Variants in ADRM1 observed in about 807,000 individuals in gnomAD.
ADRM1 encodes ADRM1 26S proteasome ubiquitin receptor.
ADRM1 carries 2 observed loss-of-function variants against 40.1 expected under a neutral mutation model. That is an observed-to-expected ratio of 0.05 (90% CI 0.02 to 0.16). The LOEUF (loss-of-function observed/expected upper bound fraction) is 0.16. Among genes scored for constraint, ADRM1 ranks in the 10% least tolerant of loss-of-function variants. The probability of loss-of-function intolerance (pLI) is 1.00; values close to 1 mark genes in which losing one functional copy is unlikely to be tolerated. For synonymous variants in ADRM1, 287 were observed against 240.4 expected, an observed-to-expected ratio of 1.19 and a Z score of -1.79; for missense variants, 467 against 552.5, an observed-to-expected ratio of 0.85 and a Z score of 1.55.
At position 62,308,100 on chromosome 20, in the gene ADRM1, C is replaced by T. The variant is rs780497338; in HGVS notation, c.936C>T (p.Pro312=). 2 of 1,611,514 alleles carry T rather than the reference C, an allele frequency of 1.2e-6. No individual in the cohort carries two copies. Among genetic ancestry groups the T allele is most frequent in the Middle Eastern group, 3.3e-4 (2 of 6,062 alleles). ...ANADVQERLL[P]YLPSGESLPQ... ...CGGATGTCCAGGAGCGCCTGCTTCC[C>T]TACTTGCCATCTGGGGAGTCGCTGC... is the stretch of plus-strand genomic sequence containing the variant. The change falls in exon 8 of 10, where the codon CCC becomes CCT. Residue 312 remains proline, a synonymous_variant. Coordinates refer to ENST00000253003, the MANE Select transcript of ADRM1 (RefSeq NM_007002.4).
At chr20:62,303,292 G>A (rs1268199045) in intron 1 of ADRM1, 5 of 289,116 alleles carry the variant, frequency 1.7e-5, no homozygotes, top group Admixed American at 5.3e-5. Context: ...GCGGGTCGCC[G>A]GGGTGGCGCG....
chr20:62,305,977 T>C (rs896940393), intron 3 of ADRM1: 6 of 566,226 alleles, frequency 1.1e-5, no homozygotes, highest in South Asian at 4.2e-5. Context: ...CACCCGGGAT[T>C]GCGGCGGATG....
intron 3 of ADRM1, 85 bp downstream of exon 3, chr20:62,304,662 T>C: frequency 7.2e-7 from 1 of 1,389,466 alleles, no homozygotes; most frequent in Non-Finnish European, 1.0e-6. Context: ...CAATTGGCTT[T>C]TATAAACCAG....
At position 62,307,582 on chromosome 20, in the gene ADRM1, C is replaced by A. The variant is rs774396785; in HGVS notation, c.624-14C>A. On this transcript the variant is annotated splice_polypyrimidine_tract_variant and intron_variant, in intron 6 of 9. Transcript: ENST00000253003. Reference sequence around the variant, plus strand: ...GGGGCGTGTCCGCTCCAGCGGTGCCCTCTCTCTTCGCAGCTCCCGGAGCCA... The same window carrying A: ...GGGGCGTGTCCGCTCCAGCGGTGCCATCTCTCTTCGCAGCTCCCGGAGCCA... 1.2e-6 allele frequency: 2 copies of A among 1,608,248 alleles called. No individual in the cohort carries two copies. The highest frequency in any genetic ancestry group is 2.2e-5 in the South Asian group (2 of 90,780).
At chr20:62,307,883 C>G in intron 7 of ADRM1, 55 bp downstream of exon 7, 1 of 1,557,506 alleles carries the variant, frequency 6.4e-7, no homozygotes, top group South Asian at 1.2e-5. Flanking sequence ...TGCTGACCCT[C>G]GCACGCTCAC....
intron 5 of ADRM1, 58 bp downstream of exon 5, chr20:62,306,792 GTC>G (rs1203148750): frequency 7.5e-6 from 11 of 1,457,338 alleles, no homozygotes; most frequent in Middle Eastern, 1.8e-4. Context: ...TTGAGGCCCG[GTC>G]TCTGTTTCCT....
intron 3 of ADRM1, among the ~76,000 whole-genome samples, chr20:62,304,835 C>G (rs1014996230): frequency 1.3e-5 from 2 of 152,262 alleles, no homozygotes; most frequent in African/African-American, 4.8e-5. Flanking sequence ...CATGCTGGCC[C>G]TGGTTCTAAC....
intron 3 of ADRM1, 41 bp downstream of exon 3, chr20:62,304,618 G>C: frequency 6.3e-7 from 1 of 1,586,682 alleles, no homozygotes. Context: ...TTGTTGCCCT[G>C]CGATTCGGTT....
At chr20:62,306,864 T>C (rs1361258016) in intron 5 of ADRM1, 130 bp downstream of exon 5, 1 of 942,620 alleles carries the variant, frequency 1.1e-6, no homozygotes. Context: ...CGCAAGCTGG[T>C]TCCCCTTTGG....
At chr20:62,304,194 T>C (rs1417965822) in intron 2 of ADRM1, 9 of 516,900 alleles carry the variant, frequency 1.7e-5, no homozygotes, top group Non-Finnish European at 2.8e-5. Context: ...TTAACTACTC[T>C]GGGAATGTTG....
rs770145701 is a variant in ADRM1 at position 62,306,313 on chromosome 20, G to A, written c.447G>A (p.Ala149=). 26 of 1,612,678 alleles carry A rather than the reference G, an allele frequency of 1.6e-5. 1 individual carries two copies. The highest frequency in any genetic ancestry group is 3.3e-5 in the South Asian group (3 of 91,088). The change falls in exon 4 of 10, where the codon GCG becomes GCA. Residue 149 remains alanine, a synonymous_variant. Transcript: ENST00000253003. ...ASGSSGHELS[A]LGGEGGLQSL... The stretch of plus-strand genomic sequence containing the variant: ...GAAGCAGCGGCCACGAACTCTCTGC[G>A]CTAGGCGGTAACTGTCACATGTGTC...
intron 3 of ADRM1, chr20:62,305,927 A>C (rs1389187296): frequency 6.9e-6 from 3 of 436,494 alleles, no homozygotes; most frequent in Non-Finnish European, 1.3e-5. Flanking sequence ...TCGGAGCTCT[A>C]GGCTCCCCAT....
At chr20:62,304,266 C>G (rs1000405216) in intron 2 of ADRM1, 195 bp from the exon 3 acceptor site, 1 of 580,656 alleles carries the variant, frequency 1.7e-6, no homozygotes, top group Non-Finnish European at 3.1e-6. Context: ...GCTCTCTCCC[C>G]CGGCCTTGCC....
intron 7 of ADRM1, 91 bp downstream of exon 7, chr20:62,307,919 G>C: frequency 6.5e-7 from 1 of 1,544,128 alleles, no homozygotes; most frequent in East Asian, 2.4e-5. Context: ...CCTAGTGTGC[G>C]CGCCTGGGGT....
intron 3 of ADRM1, 120 bp from the exon 4 acceptor site, chr20:62,306,077 C>A: frequency 7.3e-7 from 1 of 1,376,132 alleles, no homozygotes; most frequent in Non-Finnish European, 9.8e-7. Context: ...CATTGTGTGG[C>A]CAGGCACACG....
chr20:62,303,383 C>T (rs1984400469), intron 1 of ADRM1, 185 bp from the exon 2 acceptor site: 1 of 593,808 alleles, frequency 1.7e-6, no homozygotes, highest in Admixed American at 3.3e-5. Context: ...CGGCCCAGCG[C>T]CGAGTGCGGG....
chr20:62,307,913 G>A, intron 7 of ADRM1, 85 bp downstream of exon 7: 1 of 1,546,704 alleles, frequency 6.5e-7, no homozygotes, highest in Non-Finnish European at 8.7e-7. Flanking sequence ...CATCTGCCTA[G>A]TGTGCGCGCC....
In ADRM1 at chr20:62,307,969, A is replaced by C. The variant is rs777514643; in HGVS notation, c.857-52A>C. 2.5e-6 allele frequency: 4 copies of C among 1,582,222 alleles called. No individual in the cohort carries two copies. The African/African-American group carries it at 4.0e-5, about 16-fold the overall frequency. On this transcript the variant is annotated intron_variant, in intron 7 of 9. Transcript: ENST00000253003. ...CTGAGTCCCTGCTTGCATGCCTTCC[A>C]TGTGGGCACTTAGGCTGTCATCGAG...
chr20:62,306,583 G>A (rs367773670), intron 4 of ADRM1, 65 bp from the exon 5 acceptor site: 18 of 1,482,278 alleles, frequency 1.2e-5, no homozygotes, highest in East Asian at 9.6e-5. Context: ...AGAGGCGCAG[G>A]CAGTGCGGTG....
Sources: allele counts gnomAD v4.1 joint callset (sites outside exome capture counted in the v4.1 genomes callset), GRCh38; gene constraint gnomAD v4.1.1; transcripts MANE v1.5; gene names NCBI Gene and HGNC (gene_info 2026-07-23, HGNC 2026-07-21).